Variants in EOGT observed in about 807,000 individuals in gnomAD.
The protein encoded by EOGT is EGF domain-specific O-linked N-acetylglucosamine transferase.
EOGT carries 55 observed loss-of-function variants against 70.5 expected under a neutral mutation model. The ratio of observed to expected loss-of-function variants is 0.78; its 90% CI spans 0.63 to 0.98. The LOEUF (loss-of-function observed/expected upper bound fraction) is 0.98. Among genes scored for constraint, EOGT ranks in the 50% least tolerant of loss-of-function variants. The pLI, the probability that EOGT is intolerant of heterozygous loss-of-function variation, is 0.00. For missense variants in EOGT, 703 were observed against 641.9 expected, an observed-to-expected ratio of 1.10 and a Z score of -1.03; for synonymous variants, 246 against 217.1, an observed-to-expected ratio of 1.13 and a Z score of -1.17.
At chr3:68,990,546 G>A (rs1408971136) in intron 10 of EOGT, among the ~76,000 whole-genome samples, 1 of 151,960 alleles carries the variant, frequency 6.6e-6, no homozygotes, top group Non-Finnish European at 1.5e-5. Context: ...TAGAGACAGG[G>A]TTTCACCATA....
At chr3:68,987,566 A>G (rs1243069421) in intron 13 of EOGT, 53 bp from the exon 14 acceptor site, 4 of 1,318,514 alleles carry the variant, frequency 3.0e-6, no homozygotes, top group Non-Finnish European at 4.3e-6. Flanking sequence ...GGGTAGATGA[A>G]TGAACATCTG....
At chr3:69,007,253 C>T (rs2091458842) in intron 6 of EOGT, among the ~76,000 whole-genome samples, 1 of 152,086 alleles carries the variant, frequency 6.6e-6, no homozygotes, top group East Asian at 1.9e-4. Context: ...AAATTCTATG[C>T]CAATAACTAA....
In EOGT at chr3:69,001,662, C is replaced by T; in HGVS notation, c.673G>A (p.Ala225Thr). 1 of 1,611,342 alleles carries T rather than the reference C, an allele frequency of 6.2e-7. No individual in the cohort carries two copies. The highest frequency in any genetic ancestry group is 1.1e-5 in the South Asian group (1 of 90,208). Reference sequence around the variant, plus strand: ...TTTTCAATGACAATGTCACATTTAGCATCTTCTATAGGTCTGAAGTTGAGC... The same window carrying T: ...TTTTCAATGACAATGTCACATTTAGTATCTTCTATAGGTCTGAAGTTGAGC... The part of the protein sequence containing the change: ...TQLNFRPIED[A>T]KCDIVIEKPT... The change falls in exon 9 of 18, where the codon GCT (alanine) becomes ACT (threonine). Residue 225 changes from alanine to threonine, a missense_variant. Transcript: ENST00000383701.
At chr3:69,000,121 C>G (rs6419765) in intron 9 of EOGT, among the ~76,000 whole-genome samples, 150,402 of 152,258 alleles carry the variant, frequency 0.99, 74,313 homozygotes, top group Non-Finnish European at 1. Context: ...AGCTACTTGG[C>G]AGGCCAAGGT....
intron 16 of EOGT, among the ~76,000 whole-genome samples, chr3:68,978,996 C>T (rs2090554976): frequency 2.0e-5 from 3 of 152,120 alleles, no homozygotes; most frequent in Non-Finnish European, 4.4e-5. Context: ...TTCATGACAA[C>T]TTTTTTCCTA....
intron 3 of EOGT, 126 bp from the exon 4 acceptor site, chr3:69,009,986 T>G (rs1012258516): frequency 1.4e-6 from 1 of 699,272 alleles, no homozygotes; most frequent in Non-Finnish European, 2.3e-6. Context: ...ACAAAGCACT[T>G]TGCTATCCCA....
chr3:69,002,731 T>C (rs1358521705), intron 8 of EOGT, among the ~76,000 whole-genome samples: 1 of 151,918 alleles, frequency 6.6e-6, no homozygotes, highest in Non-Finnish European at 1.5e-5. Context: ...CATAGCTCAC[T>C]GCAGCCTCGA....
chr3:68,986,659 T>A (rs919237388), intron 14 of EOGT, among the ~76,000 whole-genome samples: 3 of 152,140 alleles, frequency 2.0e-5, no homozygotes, highest in Non-Finnish European at 4.4e-5. Context: ...CAAACCCCCA[T>A]CCATCCACAT....
intron 10 of EOGT, among the ~76,000 whole-genome samples, chr3:68,997,786 T>C (rs2091191504): frequency 6.6e-6 from 1 of 152,194 alleles, no homozygotes; most frequent in African/African-American, 2.4e-5. Context: ...ACTGCCTCAT[T>C]CTAAAATTCA....
chr3:68,993,105 G>A (rs896733314), intron 10 of EOGT, among the ~76,000 whole-genome samples: 1 of 152,200 alleles, frequency 6.6e-6, no homozygotes, highest in Non-Finnish European at 1.5e-5. Flanking sequence ...TTTCCTCATG[G>A]TCTTGGGAAG....
intron 14 of EOGT, among the ~76,000 whole-genome samples, chr3:68,985,122 T>G (rs556928956): frequency 1.6e-4 from 24 of 152,336 alleles, no homozygotes; most frequent in Non-Finnish European, 2.9e-4. Context: ...AATAATATGC[T>G]TGACCCCCAA....
At chr3:69,000,574 A>G (rs1044383197) in intron 9 of EOGT, among the ~76,000 whole-genome samples, 1 of 152,226 alleles carries the variant, frequency 6.6e-6, no homozygotes, top group African/African-American at 2.4e-5. Context: ...GCACATTAAA[A>G]CTATGATCAA....
Position 69,001,829 on chromosome 3 carries a change from C to G in EOGT, c.621-115G>C, listed in dbSNP as rs770361189. The G allele has an allele frequency of 9.0e-6, 6 of 669,404 alleles. No homozygotes were observed. In the African/African-American group the frequency reaches 9.3e-5, roughly 10 times the overall value. The allele number at this position is 669,404 out of a possible 1,614,324, so 41.5% of individuals were successfully genotyped here. A position where few individuals can be genotyped will look rare whatever the true frequency, so the allele number is the denominator to read the frequency against. ...ATTTTACCTCTAAATGGTACAGACA[C>G]TCCTATGGACACCTGTAACTTCTAA... On this transcript the variant is annotated intron_variant, in intron 8 of 17. Transcript: ENST00000383701.
intron 9 of EOGT, 112 bp downstream of exon 9, chr3:69,001,496 T>A (rs2091291407): frequency 4.7e-6 from 3 of 637,198 alleles, no homozygotes; most frequent in South Asian, 4.2e-5. Context: ...AAAAAACAAA[T>A]CTACTGTTTG....
chr3:69,007,200 G>A (rs1465023127), intron 6 of EOGT, among the ~76,000 whole-genome samples: 1 of 152,176 alleles, frequency 6.6e-6, no homozygotes, highest in Admixed American at 6.5e-5. Flanking sequence ...GGAGGACAGG[G>A]TTTCCAAAGG....
In EOGT at chr3:68,978,278, G is replaced by T. The variant is rs1238705292; in HGVS notation, c.1437+55C>A. ...TAACCATTTTTCATATCAATAATTG[G>T]ATACTTTAAACCAATTAAAAATGAA... On this transcript the variant is annotated intron_variant, in intron 17 of 17. Transcript: ENST00000383701. 6 of 1,260,970 alleles carry T rather than the reference G, an allele frequency of 4.8e-6. No individual in the cohort carries two copies. The African/African-American group carries it at 7.5e-5, about 16-fold the overall frequency. The allele number at this position is 1,260,970 out of a possible 1,614,324, so 78.1% of individuals were successfully genotyped here. A position where few individuals can be genotyped will look rare whatever the true frequency, so the allele number is the denominator to read the frequency against.
chr3:68,980,669 A>G (rs2090613514), intron 15 of EOGT, among the ~76,000 whole-genome samples: 2 of 152,250 alleles, frequency 1.3e-5, no homozygotes, highest in Admixed American at 1.3e-4. Flanking sequence ...AAAACTCCGC[A>G]TAGGAAAAAG....
At position 68,988,354 on chromosome 3, in the gene EOGT, A is replaced by C; in HGVS notation, c.1024T>G (p.Phe342Val). Residue 342 changes from phenylalanine (F) to valine (V), a missense_variant, in exon 13 of 18, where the codon TTC (phenylalanine) becomes GTC (valine). Phe to Val is a conservative substitution (Grantham distance 50). Coordinates refer to ENST00000383701, the MANE Select transcript of EOGT (RefSeq NM_001278689.2). Reference protein sequence around the residue: ...LISGCQNTGLFRAFAQHVLHR... With the variant: ...LISGCQNTGLVRAFAQHVLHR... ...AGTACATGCTGGGCAAATGCCCTGA[A>C]TAGTCCAGTATTTTGACAGCCAGAT... 6.5e-7 allele frequency: 1 copy of C among 1,536,008 alleles called. No homozygotes were observed. Among genetic ancestry groups the C allele is most frequent in the Non-Finnish European group, 8.7e-7 (1 of 1,146,788 alleles).
rs181243045 is a variant in EOGT at position 68,985,712 on chromosome 3, T to C, written c.1152+1733A>G. On this transcript the variant is annotated intron_variant, in intron 14 of 17. Coordinates refer to ENST00000383701, the MANE Select transcript of EOGT (RefSeq NM_001278689.2). ...CCTGGGCCACAATAACAACTTCTGA[T>C]CAATCTCCTTGCAGAATGACTTAAA... is the stretch of plus-strand genomic sequence containing the variant. Among the ~76,000 whole-genome samples, 201 of 152,340 alleles carry C rather than the reference T, an allele frequency of 1.3e-3. 1 individual carries two copies. The highest frequency in any genetic ancestry group is 4.0e-3 in the African/African-American group (168 of 41,570).
Sources: allele counts gnomAD v4.1 joint callset (sites outside exome capture counted in the v4.1 genomes callset), GRCh38; gene constraint gnomAD v4.1.1; transcripts MANE v1.5; gene names NCBI Gene and HGNC (gene_info 2026-07-23, HGNC 2026-07-21).